Variants in FAM90A26 observed in about 807,000 individuals in gnomAD.
FAM90A26 encodes the protein protein FAM90A26.
chr4:9,176,511 G>A lies in FAM90A26; in HGVS notation c.*344G>A, dbSNP rs552167302. On this transcript the variant is annotated 3_prime_UTR_variant, in exon 7 of 7. Transcript: ENST00000512047. ...GAAACTGGGGAATTACTGTGTATTTGCTCTCTAGATGACTGAATAAGGGAA... is the reference window on the plus strand; with the variant it reads ...GAAACTGGGGAATTACTGTGTATTTACTCTCTAGATGACTGAATAAGGGAA... 3.5e-4 allele frequency: 19 copies of A among 53,992 alleles called. No homozygotes were observed. The East Asian group carries it at 5.8e-3, about 16-fold the overall frequency. The allele number at this position is 53,992 out of a possible 1,614,324, so 3.3% of individuals were successfully genotyped here. A position where few individuals can be genotyped will look rare whatever the true frequency, so the allele number is the denominator to read the frequency against.
chr4:9,170,459 C>T, exon 1 of FAM90A26: 1 of 96,068 alleles, frequency 1.0e-5, no homozygotes, highest in Non-Finnish European at 2.0e-5. Flanking sequence ...GGGGTGTGTG[C>T]ACCCTGACCC....
intron 3 of FAM90A26, among the ~76,000 whole-genome samples, chr4:9,172,528 C>T (rs1713454744): frequency 2.6e-5 from 1 of 38,066 alleles, no homozygotes; most frequent in African/African-American, 9.1e-5. Flanking sequence ...TGTAAAATAC[C>T]AGAAAAATAA....
At chr4:9,170,641 G>A (rs1415109836) in intron 1 of FAM90A26, 119 bp downstream of exon 1, 1 of 31,300 alleles carries the variant, frequency 3.2e-5, no homozygotes, top group South Asian at 3.9e-4. Context: ...AGCACATGAC[G>A]CAGGTTCCAA....
chr4:9,175,412 G>T lies in FAM90A26; in HGVS notation c.640G>T (p.Ala214Ser). 7.1e-6 allele frequency: 2 copies of T among 283,184 alleles called. 1 individual carries two copies. The highest frequency in any genetic ancestry group is 1.0e-5 in the Non-Finnish European group (2 of 197,462). The allele number at this position is 283,184 out of a possible 1,614,324, so 17.5% of individuals were successfully genotyped here. Residue 214 changes from alanine (A) to serine (S), a missense_variant, in exon 7 of 7, where the codon GCA becomes TCA. By Grantham distance (99) the Ala-to-Ser change is moderately conservative (BLOSUM62 1). Transcript: ENST00000512047. ...GGCTGCGGCCGACATCCCTCAGCCT[G>T]CAGTCAGACACCAGGGCCCCGAGCC...
chr4:9,171,422 CG>C, intron 1 of FAM90A26, 109 bp from the exon 2 acceptor site: 1 of 24,882 alleles, frequency 4.0e-5, no homozygotes. Flanking sequence ...AGGGTAAAGG[CG>C]GGGTGCCCCT....
Position 9,174,856 on chromosome 4 carries a change from A to C in FAM90A26, c.432+300A>C, listed in dbSNP as rs183422094. 0.011 allele frequency among the ~76,000 whole-genome samples: 266 copies of C among 23,884 alleles called. 66 individuals are homozygous for C. In the East Asian group the frequency reaches 0.12, roughly 11 times the overall value. The allele number at this position is 23,884 out of a possible 152,430, so 15.7% of individuals were successfully genotyped here. A position where few individuals can be genotyped will look rare whatever the true frequency, so the allele number is the denominator to read the frequency against. ...ACATGGAGAAGGCTAAACCCTGGAA[A>C]ATGCATGTGTTCAGAGAAGACGTCC... On this transcript the variant is annotated intron_variant, in intron 6 of 6. Coordinates refer to ENST00000512047, the Ensembl canonical transcript of FAM90A26.
exon 7 of FAM90A26, chr4:9,176,474 G>A: frequency 1.7e-5 from 1 of 58,164 alleles, no homozygotes; most frequent in South Asian, 1.1e-4. Context: ...ACTTCCGCTG[G>A]GACGTCAATA....
rs528202793 is a variant in FAM90A26, at chr4:9,171,035, T to G, written c.-420-497T>G. ...ACTGTTTCTACCAAAAATACAAAAG[T>G]AAGCTGGGTGTGGTGGGCACCTGTA... On this transcript the variant is annotated intron_variant, in intron 1 of 6. Coordinates refer to ENST00000512047, the Ensembl canonical transcript of FAM90A26. Among the ~76,000 whole-genome samples the G allele has an allele frequency of 0.011, 255 of 22,256 alleles. 64 individuals are homozygous for G. In the East Asian group the frequency reaches 0.13, roughly 11 times the overall value. The allele number at this position is 22,256 out of a possible 152,430, so 14.6% of individuals were successfully genotyped here. A position where few individuals can be genotyped will look rare whatever the true frequency, so the allele number is the denominator to read the frequency against.
In FAM90A26 at chr4:9,175,755, C is replaced by T. The variant is rs776872868; in HGVS notation, c.983C>T (p.Pro328Leu). ...ATCCAGGGAGGTGAGCTGGGGGCCC[C>T]GGAGTATCTCCAACCTCCGCCGGCA... is the stretch of plus-strand genomic sequence containing the variant. Residue 328 changes from proline to leucine, a missense_variant, in exon 7 of 7, where the codon CCG (proline) becomes CTG (leucine). Transcript: ENST00000512047. The T allele has an allele frequency of 4.0e-4, 87 of 217,378 alleles. 40 individuals carry two copies. Among genetic ancestry groups the T allele is most frequent in the South Asian group, 3.9e-3 (85 of 21,872 alleles). The allele number at this position is 217,378 out of a possible 1,614,324, so 13.5% of individuals were successfully genotyped here.
At chr4:9,176,223 G>A in exon 7 of FAM90A26, 1 of 166,466 alleles carries the variant, frequency 6.0e-6, no homozygotes, top group East Asian at 1.3e-4. Flanking sequence ...GGAGGGGACT[G>A]TGGGACTGAG....
rs1713456756 is a variant in FAM90A26, at chr4:9,172,625, T to C, written c.-57+456T>C. Among the ~76,000 whole-genome samples, 3 of 24,718 alleles carry C rather than the reference T, an allele frequency of 1.2e-4. 1 individual carries two copies. The South Asian group carries it at 2.6e-3, about 21-fold the overall frequency. The allele number at this position is 24,718 out of a possible 152,430, so 16.2% of individuals were successfully genotyped here. On this transcript the variant is annotated intron_variant, in intron 3 of 6. Coordinates refer to ENST00000512047, the Ensembl canonical transcript of FAM90A26. Reference sequence around the variant, plus strand: ...GTGGTAGAGAGGAAGATAACTTCTCTCTATGAATTTGTGTTTGGAAGTTGC... The same window carrying C: ...GTGGTAGAGAGGAAGATAACTTCTCCCTATGAATTTGTGTTTGGAAGTTGC...
In FAM90A26 at chr4:9,175,806, C is replaced by T. The variant is rs1385488402; in HGVS notation, c.1034C>T (p.Ser345Leu). Residue 345 changes from serine (S) to leucine (L), a missense_variant, in exon 7 of 7, where the codon TCG (serine) becomes TTG (leucine). Ser to Leu is a moderately radical substitution (Grantham distance 145). Transcript: ENST00000512047. The stretch of plus-strand genomic sequence containing the variant: ...ACAACCGAACTTGGACCAAGTACGT[C>T]GCCCCAGATGGGCAGGAGGACACCC... The T allele has an allele frequency of 1.1e-5, 2 of 190,344 alleles. 1 individual carries two copies. 11.8% of individuals were successfully genotyped at this position (190,344 alleles called of 1,614,324 possible).
rs1385982610 is a variant in FAM90A26, at chr4:9,172,911, G to A, written c.-56-206G>A. ...AGGCCACAGGCCCTGTGGCAGGTGA[G>A]GTTTACTCTTGCACTAGGTAAACAT... is the stretch of plus-strand genomic sequence containing the variant. On this transcript the variant is annotated intron_variant, in intron 3 of 6. Transcript: ENST00000512047. Among the ~76,000 whole-genome samples the A allele has an allele frequency of 8.4e-5, 2 of 23,824 alleles. 1 individual carries two copies. Among genetic ancestry groups the A allele is most frequent in the East Asian group, 1.9e-3 (2 of 1,040 alleles). 15.6% of individuals were successfully genotyped at this position (23,824 alleles called of 152,430 possible). A position where few individuals can be genotyped will look rare whatever the true frequency, so the allele number is the denominator to read the frequency against.
In FAM90A26 at chr4:9,175,705, T is replaced by G. The variant is rs1406212754; in HGVS notation, c.933T>G (p.Gly311=). ...ACTTCCCCAAGAAACCGAGGCTGGG[T>G]CCCTTCCAGATCCCCGAAAGCGCCA... The change falls in exon 7 of 7, where the codon GGT becomes GGG. Residue 311 remains glycine, a synonymous_variant. Coordinates refer to ENST00000512047, the Ensembl canonical transcript of FAM90A26. 5 of 271,520 alleles carry G rather than the reference T, an allele frequency of 1.8e-5. 2 individuals are homozygous for G. In the South Asian group the frequency reaches 2.1e-4, roughly 11 times the overall value. The allele number at this position is 271,520 out of a possible 1,614,324, so 16.8% of individuals were successfully genotyped here.
rs185543543 is a variant in FAM90A26 at position 9,175,906 on chromosome 4, G to A, written c.1134G>A (p.Met378Ile). Residue 378 changes from methionine to isoleucine, a missense_variant, in exon 7 of 7, where the codon ATG becomes ATA. By Grantham distance (10) the Met-to-Ile change is conservative. Transcript: ENST00000512047. Reference sequence around the variant, plus strand: ...TGCCTACTGCCCAGGCCTGCACCATGTCCCATCACCCAGCGACCAGCCATG... The same window carrying A: ...TGCCTACTGCCCAGGCCTGCACCATATCCCATCACCCAGCGACCAGCCATG... 7.3e-3 allele frequency: 1,900 copies of A among 260,798 alleles called. 516 individuals carry two copies. In the East Asian group the frequency reaches 0.13, roughly 18 times the overall value. 16.2% of individuals were successfully genotyped at this position (260,798 alleles called of 1,614,324 possible).
Position 9,170,995 on chromosome 4 carries a change from C to A in FAM90A26, c.-421+473C>A, listed in dbSNP as rs1713427100. On this transcript the variant is annotated intron_variant, in intron 1 of 6. Transcript: ENST00000512047. ...GGTCAGGAGTTCAAGACCAGCCTGG[C>A]CAACATGGTGAAACACTGTTTCTAC... Among the ~76,000 whole-genome samples, 2 of 22,622 alleles carry A rather than the reference C, an allele frequency of 8.8e-5. 1 individual carries two copies. The highest frequency in any genetic ancestry group is 5.8e-4 in the African/African-American group (2 of 3,478). The allele number at this position is 22,622 out of a possible 152,430, so 14.8% of individuals were successfully genotyped here.
In FAM90A26 at chr4:9,170,782, G is replaced by C. The variant is rs371774647; in HGVS notation, c.-421+260G>C. Reference sequence around the variant, plus strand: ...CCCAGACCCCGCCTCTTCCCACACCGCTTCCGCTTTTCTCCCTCCTCACTG... The same window carrying C: ...CCCAGACCCCGCCTCTTCCCACACCCCTTCCGCTTTTCTCCCTCCTCACTG... On this transcript the variant is annotated intron_variant, in intron 1 of 6. Transcript: ENST00000512047. 0.011 allele frequency among the ~76,000 whole-genome samples: 253 copies of C among 23,696 alleles called. 60 individuals carry two copies. In the East Asian group the frequency reaches 0.12, roughly 11 times the overall value. The allele number at this position is 23,696 out of a possible 152,430, so 15.5% of individuals were successfully genotyped here.
exon 1 of FAM90A26, chr4:9,170,451 G>A: frequency 9.3e-6 from 1 of 108,100 alleles, no homozygotes; most frequent in South Asian, 6.2e-5. Context: ...GACCTGCAGG[G>A]GTGTGTGCAC....
chr4:9,172,370 C>A (rs368556964), intron 3 of FAM90A26, among the ~76,000 whole-genome samples: 1 of 33,298 alleles, frequency 3.0e-5, no homozygotes, highest in South Asian at 8.0e-4. Flanking sequence ...GGTGGGAATG[C>A]GAAAAGAAAT....
Sources: allele counts gnomAD v4.1 joint callset (sites outside exome capture counted in the v4.1 genomes callset), GRCh38; gene constraint gnomAD v4.1.1; transcripts MANE v1.5; gene names NCBI Gene and HGNC (gene_info 2026-07-23, HGNC 2026-07-21).